The following GPATCH2 variants were observed in gnomAD, a reference collection of about 807,000 sequenced individuals.
GPATCH2 encodes the protein G-patch domain containing 2.
A neutral mutation model predicts 58.0 loss-of-function variants in GPATCH2; 51 were observed. The ratio of observed to expected loss-of-function variants is 0.88; its 90% confidence interval spans 0.70 to 1.11. The LOEUF (loss-of-function observed/expected upper bound fraction) is 1.11, where lower values mean the gene tolerates loss of function less well. Among genes scored for constraint, GPATCH2 ranks in the 50% most tolerant of loss-of-function variants. GPATCH2 has a pLI of 0.00. For synonymous variants in GPATCH2, 222 were observed against 218.5 expected (o/e 1.02, Z -0.14); for missense variants, 625 against 652.2 (o/e 0.96, Z 0.45).
chr1:217,451,406 A>G (rs1205307229), intron 8 of GPATCH2, among the ~76,000 whole-genome samples: 1 of 152,168 alleles, frequency 6.6e-6, no homozygotes, highest in East Asian at 1.9e-4. Flanking sequence ...TGGAATGACA[A>G]CCTTCCTTTC....
chr1:217,622,245 A>C (rs1391499934), intron 1 of GPATCH2, among the ~76,000 whole-genome samples: 2 of 133,126 alleles, frequency 1.5e-5, no homozygotes, highest in African/African-American at 5.3e-5. Flanking sequence ...CTGAATCAAC[A>C]CAAGGGACAG....
intron 5 of GPATCH2, among the ~76,000 whole-genome samples, chr1:217,524,633 C>A (rs1287330089): frequency 3.3e-5 from 5 of 151,514 alleles, no homozygotes; most frequent in African/African-American, 1.2e-4. Context: ...CCGAGGCTGG[C>A]GGATCACTCG....
intron 8 of GPATCH2, among the ~76,000 whole-genome samples, chr1:217,462,840 CAAAG>C (rs1269578768): frequency 2.0e-5 from 3 of 152,124 alleles, no homozygotes; most frequent in Non-Finnish European, 4.4e-5. Flanking sequence ...CTGTGCAGCC[CAAAG>C]AGACAAAGTT....
At chr1:217,434,698 A>G (rs1358493109) in intron 9 of GPATCH2, among the ~76,000 whole-genome samples, 1 of 152,200 alleles carries the variant, frequency 6.6e-6, no homozygotes, top group East Asian at 1.9e-4. Context: ...ATTTCTAAAA[A>G]ACTGCTAAAT....
At chr1:217,492,806 G>T (rs1387010399) in intron 7 of GPATCH2, 1 of 152,152 alleles carries the variant, frequency 6.6e-6, no homozygotes, top group Non-Finnish European at 1.5e-5. Context: ...GAAATGCTGA[G>T]AAATAATATG....
intron 5 of GPATCH2, among the ~76,000 whole-genome samples, chr1:217,590,182 G>A (rs1465230659): frequency 6.6e-6 from 1 of 151,884 alleles, no homozygotes; most frequent in African/African-American, 2.4e-5. Flanking sequence ...TACCACACCT[G>A]GCTAATTTTT....
intron 5 of GPATCH2, among the ~76,000 whole-genome samples, chr1:217,567,045 G>GTTT (rs549350813): frequency 0.14 from 19,081 of 140,430 alleles, 1,938 homozygotes; most frequent in Non-Finnish European, 0.2. Flanking sequence ...ATAACTTCTG[G>GTTT]CTTTTTTTTT....
At chr1:217,619,145 T>C (rs1669056847) in intron 2 of GPATCH2, among the ~76,000 whole-genome samples, 1 of 152,154 alleles carries the variant, frequency 6.6e-6, no homozygotes, top group Non-Finnish European at 1.5e-5. Flanking sequence ...ATCATTTCAG[T>C]ATAAAAGAAA....
chr1:217,537,064 T>C (rs1664511485), intron 5 of GPATCH2, among the ~76,000 whole-genome samples: 1 of 152,194 alleles, frequency 6.6e-6, no homozygotes, highest in African/African-American at 2.4e-5. Context: ...TTTGAATCTG[T>C]TAAAAAAATT....
At chr1:217,524,277 G>A (rs1303821605) in intron 5 of GPATCH2, among the ~76,000 whole-genome samples, 1 of 150,602 alleles carries the variant, frequency 6.6e-6, no homozygotes, top group African/African-American at 2.5e-5. Context: ...GCCGGGCAGA[G>A]ACGCTCCTCA....
intron 5 of GPATCH2, among the ~76,000 whole-genome samples, chr1:217,580,149 G>A (rs1383298657): frequency 6.6e-6 from 1 of 152,114 alleles, no homozygotes; most frequent in Admixed American, 6.5e-5. Context: ...ACAAGCACAA[G>A]AACTTACTAT....
intron 5 of GPATCH2, among the ~76,000 whole-genome samples, chr1:217,535,712 T>C (rs1664427150): frequency 6.6e-6 from 1 of 152,122 alleles, no homozygotes; most frequent in South Asian, 2.1e-4. Flanking sequence ...AAATGCATCC[T>C]GTGTACCGAA....
At chr1:217,567,049 T>TC (rs1193743493) in intron 5 of GPATCH2, among the ~76,000 whole-genome samples, 3 of 149,902 alleles carry the variant, frequency 2.0e-5, no homozygotes, top group Non-Finnish European at 4.5e-5. Flanking sequence ...CTTCTGGCTT[T>TC]TTTTTTTTTT....
intron 5 of GPATCH2, among the ~76,000 whole-genome samples, chr1:217,581,550 C>A (rs543883832): frequency 1.3e-5 from 2 of 152,302 alleles, no homozygotes; most frequent in South Asian, 4.1e-4. Context: ...CAACTTCTCA[C>A]TGGGATGTAC....
intron 9 of GPATCH2, among the ~76,000 whole-genome samples, chr1:217,444,419 C>T (rs1337910838): frequency 6.6e-6 from 1 of 152,150 alleles, no homozygotes; most frequent in African/African-American, 2.4e-5. Flanking sequence ...TTCCTGTAGT[C>T]TCAGCTATCT....
intron 5 of GPATCH2, among the ~76,000 whole-genome samples, chr1:217,594,214 C>T (rs533496324): frequency 2.2e-4 from 34 of 151,966 alleles, no homozygotes; most frequent in African/African-American, 7.5e-4. Flanking sequence ...ATGTGAGGCA[C>T]GAGGCAAAAA....
chr1:217,466,295 A>C lies in GPATCH2; in HGVS notation c.1278-16958T>G, dbSNP rs1660445888. 2.0e-5 allele frequency among the ~76,000 whole-genome samples: 3 copies of C among 152,318 alleles called. No homozygotes were observed. In the South Asian group the frequency reaches 6.2e-4, roughly 32 times the overall value. ...TAAATAAAACTAGAACTGAAAAAAA[A>C]AAAGGAGGCAGTATAGTACTAAATG... is the stretch of plus-strand genomic sequence containing the variant. On this transcript the variant is annotated intron_variant, in intron 8 of 9. Coordinates refer to ENST00000366935, the MANE Select transcript of GPATCH2 (RefSeq NM_018040.5).
At chr1:217,506,882 T>C (rs1662590973) in intron 6 of GPATCH2, among the ~76,000 whole-genome samples, 1 of 152,256 alleles carries the variant, frequency 6.6e-6, no homozygotes, top group African/African-American at 2.4e-5. Context: ...CCTAGAGAGC[T>C]CATTAGCCGT....
At chr1:217,431,827 C>T (rs745335028) in intron 9 of GPATCH2, among the ~76,000 whole-genome samples, 16 of 152,296 alleles carry the variant, frequency 1.1e-4, no homozygotes, top group African/African-American at 3.4e-4. Context: ...CCTTGACATT[C>T]AACAGAACCA....
Sources: gnomAD v4.1 joint callset for allele counts (sites outside exome capture counted in the v4.1 genomes callset) on GRCh38, gnomAD v4.1.1 for gene constraint, MANE v1.5 for transcripts, NCBI Gene and HGNC (gene_info 2026-07-23, HGNC 2026-07-21) for gene names.